The following CEP350 variants were observed in gnomAD, a reference collection of about 807,000 sequenced individuals.
The protein encoded by CEP350 is centrosome-associated protein 350.
Under a neutral mutation model 331.8 loss-of-function variants are expected in CEP350, and 126 were observed. The observed-to-expected ratio is 0.38, with a 90% CI of 0.33 to 0.44. The LOEUF is 0.44. Among genes scored for constraint, CEP350 ranks in the 20% least tolerant of loss-of-function variants. The pLI, the probability that CEP350 is intolerant of heterozygous loss-of-function variation, is 1.00. For synonymous variants in CEP350, 1,200 were observed against 1,259.5 expected, an observed-to-expected ratio of 0.95 and a Z score of 1.00; for missense variants, 3,406 against 3,634.6, an observed-to-expected ratio of 0.94 and a Z score of 1.62.
chr1:180,023,755 T>C (rs887522925), intron 13 of CEP350, among the ~76,000 whole-genome samples: 4 of 152,232 alleles, frequency 2.6e-5, no homozygotes, highest in African/African-American at 9.6e-5. Flanking sequence ...CAGACTTCGT[T>C]GGAGAGAATT....
chr1:180,039,263 A>G lies in CEP350; in HGVS notation c.4111-1875A>G, dbSNP rs578037326. Among the ~76,000 whole-genome samples, 13 of 66,552 alleles carry G rather than the reference A, an allele frequency of 2.0e-4. No homozygotes were observed. The South Asian group carries it at 0.011, about 56-fold the overall frequency. 43.7% of individuals were successfully genotyped at this position (66,552 alleles called of 152,430 possible). A position where few individuals can be genotyped will look rare whatever the true frequency, so the allele number is the denominator to read the frequency against. On this transcript the variant is annotated intron_variant, in intron 17 of 37. Transcript: ENST00000367607. The stretch of plus-strand genomic sequence containing the variant: ...ACCCTGTCTCAAAAAAAAAAGGAAG[A>G]AAGGAAGGAAGGGAGGGAGGGAGGG...
rs1402987356 is a variant in CEP350, at chr1:180,113,073, C to A, written c.*1912C>A. ...AATTGACTAAGAGAAGCAAAGGTTT[C>A]TTGGGGTTATTAACCAGTAGTGTGG... On this transcript the variant is annotated 3_prime_UTR_variant, in exon 38 of 38. Coordinates refer to ENST00000367607, the MANE Select transcript of CEP350 (RefSeq NM_014810.5). 1 of 152,500 alleles carries A rather than the reference C, an allele frequency of 6.6e-6. No homozygotes were observed. The highest frequency in any genetic ancestry group is 1.5e-5 in the Non-Finnish European group (1 of 68,022). 9.4% of individuals were successfully genotyped at this position (152,500 alleles called of 1,614,324 possible).
rs140669957 is a variant in CEP350, at chr1:180,078,213, C to T, written c.5768-250C>T. Among the ~76,000 whole-genome samples the T allele has an allele frequency of 1.3e-4, 20 of 151,888 alleles. 1 individual carries two copies. The highest frequency in any genetic ancestry group is 3.4e-3 in the Middle Eastern group (1 of 292). On this transcript the variant is annotated intron_variant, in intron 28 of 37. Coordinates refer to ENST00000367607, the MANE Select transcript of CEP350 (RefSeq NM_014810.5). ...AAGAACCACAAAATGCAGAAACTTACTTTACCATACATCAAGACTTCTAAG... is the reference window on the plus strand; with the variant it reads ...AAGAACCACAAAATGCAGAAACTTATTTTACCATACATCAAGACTTCTAAG...
chr1:180,007,582 T>C (rs1338920339), intron 8 of CEP350, among the ~76,000 whole-genome samples: 1 of 152,218 alleles, frequency 6.6e-6, no homozygotes, highest in Non-Finnish European at 1.5e-5. Flanking sequence ...ATAGTTTCTT[T>C]TGCTGTACAG....
At chr1:179,969,170 G>GGCCC (rs971477133) in intron 1 of CEP350, 1 of 601,884 alleles carries the variant, frequency 1.7e-6, no homozygotes, top group African/African-American at 1.8e-5. Flanking sequence ...GGTGCTGGCC[G>GGCCC]GGGAAGTTCT....
intron 1 of CEP350, among the ~76,000 whole-genome samples, chr1:179,975,740 C>CA (rs922314056): frequency 4.6e-5 from 7 of 152,024 alleles, no homozygotes; most frequent in Non-Finnish European, 7.4e-5. Context: ...TGGTTTTGAA[C>CA]ATGAAAAATT....
intron 8 of CEP350, among the ~76,000 whole-genome samples, chr1:180,008,394 T>A (rs546570573): frequency 3.3e-5 from 5 of 152,278 alleles, no homozygotes; most frequent in Admixed American, 6.5e-5. Context: ...AACTAGGAGT[T>A]AATACCCCAA....
intron 21 of CEP350, among the ~76,000 whole-genome samples, chr1:180,047,403 C>T (rs1428178976): frequency 6.6e-6 from 1 of 152,028 alleles, no homozygotes; most frequent in Non-Finnish European, 1.5e-5. Flanking sequence ...ATTTGAGGCT[C>T]ACTCTAAATG....
intron 9 of CEP350, among the ~76,000 whole-genome samples, chr1:180,012,825 C>T (rs971453679): frequency 6.6e-6 from 1 of 152,164 alleles, no homozygotes; most frequent in Non-Finnish European, 1.5e-5. Flanking sequence ...TGTAAATACG[C>T]TCATGTGTAT....
chr1:180,048,538 G>A lies in CEP350; in HGVS notation c.4625G>A (p.Ser1542Asn), dbSNP rs1558125937. 1 of 1,592,292 alleles carries A rather than the reference G, an allele frequency of 6.3e-7. No homozygotes were observed. Residue 1542 changes from serine (S) to asparagine (N), a missense_variant and splice_region_variant, in exon 22 of 38, where the codon AGT becomes AAT. Ser to Asn is a conservative substitution (Grantham distance 46). Around this residue, in one of 5 missense-constraint regions of CEP350, gnomAD observed 1,857 missense variants for 1,909.2 expected, o/e 0.97. Transcript: ENST00000367607. ...SSGYKNHDRR[S>N]SSGSSRQESP... ...TGTTTCCATGTATCCATAAAAAGAA[G>A]TAGCAGTGGTAGCAGCCGCCAAGAA...
intron 11 of CEP350, among the ~76,000 whole-genome samples, chr1:180,019,262 A>G (rs567156926): frequency 2.0e-5 from 3 of 152,330 alleles, no homozygotes; most frequent in African/African-American, 4.8e-5. Flanking sequence ...GTAAATACAC[A>G]TAATGTTGTT....
intron 10 of CEP350, among the ~76,000 whole-genome samples, 185 bp downstream of exon 10, chr1:180,014,690 A>G (rs1231213051): frequency 1.3e-5 from 2 of 152,252 alleles, no homozygotes; most frequent in Non-Finnish European, 2.9e-5. Flanking sequence ...TAAAAGCTGA[A>G]TTAAGAATTT....
intron 6 of CEP350, among the ~76,000 whole-genome samples, chr1:179,999,320 T>G (rs762662658): frequency 2.6e-5 from 4 of 152,158 alleles, no homozygotes; most frequent in Non-Finnish European, 5.9e-5. Flanking sequence ...AGTTGATGAC[T>G]GGATTTCCCA....
intron 21 of CEP350, 100 bp downstream of exon 21, chr1:180,044,273 A>G: frequency 8.1e-7 from 1 of 1,238,540 alleles, no homozygotes; most frequent in South Asian, 1.9e-5. Flanking sequence ...TTATTTAAAT[A>G]GAACAGTGTG....
intron 8 of CEP350, among the ~76,000 whole-genome samples, chr1:180,011,656 G>C (rs1157258425): frequency 2.0e-5 from 3 of 152,090 alleles, no homozygotes; most frequent in Non-Finnish European, 4.4e-5. Flanking sequence ...TGGCCAGGCT[G>C]GTTTGTGCCT....
chr1:179,968,621 A>G, intron 1 of CEP350: 1 of 385,690 alleles, frequency 2.6e-6, no homozygotes, highest in Non-Finnish European at 5.0e-6. Context: ...AGAGGGGTGC[A>G]TACAGTGTTG....
chr1:180,082,267 A>G lies in CEP350; in HGVS notation c.6124+1606A>G, dbSNP rs1659618219. Among the ~76,000 whole-genome samples the G allele has an allele frequency of 5.3e-5, 8 of 152,356 alleles. No homozygotes were observed. The South Asian group carries it at 1.7e-3, about 32-fold the overall frequency. ...AAAGTAGCTCTGAGGTTTCTAAACT[A>G]CAGATTCACTACCTATTCAAGATGA... On this transcript the variant is annotated intron_variant, in intron 30 of 37. Coordinates refer to ENST00000367607, the MANE Select transcript of CEP350 (RefSeq NM_014810.5).
At chr1:180,075,435 A>AAAC (rs35400236) in intron 28 of CEP350, among the ~76,000 whole-genome samples, 1 of 151,722 alleles carries the variant, frequency 6.6e-6, no homozygotes, top group Non-Finnish European at 1.5e-5. Context: ...AAAATTAAAA[A>AAAC]ATTAGCTGGG....
Position 180,095,920 on chromosome 1 carries a change from T to G in CEP350, c.8909T>G (p.Val2970Gly). The G allele has an allele frequency of 6.3e-7, 1 of 1,596,784 alleles. No individual in the cohort carries two copies. Among genetic ancestry groups the G allele is most frequent in the Non-Finnish European group, 8.5e-7 (1 of 1,172,836 alleles). ...GATATAGAAAGCACTAGTAAAAGGG[T>G]CTACAAACAGGTAGGTGAAATAAAA... ...GLDIESTSKR[V>G]YKQAVFDLTK... is the part of the protein sequence containing the mutation. Residue 2970 changes from valine to glycine, a missense_variant, in exon 35 of 38, where the codon GTC becomes GGC. Around this residue, in one of 5 missense-constraint regions of CEP350, gnomAD observed 1,415 missense variants for 1,512.3 expected, o/e 0.94. Coordinates refer to ENST00000367607, the MANE Select transcript of CEP350 (RefSeq NM_014810.5).
Sources: allele counts gnomAD v4.1 joint callset (sites outside exome capture counted in the v4.1 genomes callset), GRCh38; gene constraint gnomAD v4.1.1; regional missense constraint gnomAD v4.1.1; transcripts MANE v1.5; gene names NCBI Gene and HGNC (gene_info 2026-07-23, HGNC 2026-07-21).